The following ANO10 variants were observed in gnomAD, a reference collection of about 807,000 sequenced individuals.
ANO10 encodes the protein anoctamin-10.
A neutral mutation model predicts 74.7 loss-of-function variants in ANO10; 77 were observed. The observed-to-expected ratio is 1.03, with a 90% CI of 0.86 to 1.25. ANO10 has a LOEUF of 1.25. Ranked by LOEUF, ANO10 falls within the 50% of genes most tolerant of loss-of-function variation. ANO10 has a pLI of 0.00. For missense variants in ANO10, 721 were observed against 778.1 expected, an observed-to-expected ratio of 0.93 and a Z score of 0.87; for synonymous variants, 279 against 284.9, an observed-to-expected ratio of 0.98 and a Z score of 0.21.
chr3:43,567,166 A>G (rs921142690), intron 7 of ANO10, among the ~76,000 whole-genome samples: 2 of 152,258 alleles, frequency 1.3e-5, no homozygotes, highest in African/African-American at 4.8e-5. Context: ...AAAGCCTCCA[A>G]GAAATATGGG....
At chr3:43,516,710 G>A (rs2077727657) in intron 11 of ANO10, among the ~76,000 whole-genome samples, 1 of 152,172 alleles carries the variant, frequency 6.6e-6, no homozygotes, top group South Asian at 2.1e-4. Context: ...CCTTAGAATG[G>A]TGGGGATTGA....
chr3:43,464,864 A>G (rs2075547577), intron 11 of ANO10, among the ~76,000 whole-genome samples: 1 of 152,222 alleles, frequency 6.6e-6, no homozygotes, highest in Non-Finnish European at 1.5e-5. Context: ...CTCAATCTTA[A>G]AAAGATACTG....
chr3:43,552,497 C>T (rs2079512204), intron 10 of ANO10, among the ~76,000 whole-genome samples: 1 of 151,838 alleles, frequency 6.6e-6, no homozygotes, highest in Admixed American at 6.6e-5. Context: ...GAAGAAAAGT[C>T]TATTTTGTTT....
chr3:43,436,319 T>C (rs931194358), intron 11 of ANO10, among the ~76,000 whole-genome samples: 1 of 152,162 alleles, frequency 6.6e-6, no homozygotes, highest in African/African-American at 2.4e-5. Context: ...CTATTCATAT[T>C]TGAAGAAAAA....
intron 12 of ANO10, among the ~76,000 whole-genome samples, chr3:43,417,959 A>G (rs2092766356): frequency 6.6e-6 from 1 of 152,170 alleles, no homozygotes; most frequent in South Asian, 2.1e-4. Context: ...CTTGGATGTT[A>G]AACTGGAGGT....
chr3:43,642,215 GTTTTA>G (rs1293091304), intron 1 of ANO10, among the ~76,000 whole-genome samples: 4 of 152,126 alleles, frequency 2.6e-5, no homozygotes, highest in East Asian at 1.9e-4. Context: ...ACCTTACAGT[GTTTTA>G]TTTTAAGTTC....
At chr3:43,685,732 T>C (rs2084266501) in intron 1 of ANO10, among the ~76,000 whole-genome samples, 1 of 152,256 alleles carries the variant, frequency 6.6e-6, no homozygotes. Context: ...AATTGATCAC[T>C]GATGAGTCTG....
chr3:43,440,118 C>T (rs1193778223), intron 11 of ANO10, among the ~76,000 whole-genome samples: 1 of 151,722 alleles, frequency 6.6e-6, no homozygotes, highest in African/African-American at 2.4e-5. Context: ...AGGAAGGCAG[C>T]AAGACAGAAA....
At chr3:43,660,157 G>C (rs1419606780) in intron 1 of ANO10, among the ~76,000 whole-genome samples, 1 of 152,150 alleles carries the variant, frequency 6.6e-6, no homozygotes, top group Admixed American at 6.5e-5. Context: ...GAGCAGAAAG[G>C]CTGAAAATTC....
At chr3:43,372,063 T>C (rs2125675214) in intron 12 of ANO10, among the ~76,000 whole-genome samples, 1 of 152,266 alleles carries the variant, frequency 6.6e-6, no homozygotes, top group South Asian at 2.1e-4. Context: ...CCTCTGATTG[T>C]TGCTTCATTT....
At chr3:43,537,877 T>A (rs13072613) in intron 11 of ANO10, among the ~76,000 whole-genome samples, 33,779 of 152,042 alleles carry the variant, frequency 0.22, 4,282 homozygotes, top group Middle Eastern at 0.36. Context: ...CACCGTCACA[T>A]AGTTTCTAAT....
intron 1 of ANO10, among the ~76,000 whole-genome samples, chr3:43,615,241 G>A (rs1257900064): frequency 6.6e-6 from 1 of 152,050 alleles, no homozygotes; most frequent in Non-Finnish European, 1.5e-5. Context: ...GAAAACTTAG[G>A]TGAAAGAGAT....
At chr3:43,482,986 C>T (rs1308668153) in intron 11 of ANO10, among the ~76,000 whole-genome samples, 1 of 152,124 alleles carries the variant, frequency 6.6e-6, no homozygotes, top group Non-Finnish European at 1.5e-5. Context: ...TGAAAAAGGC[C>T]ATGGATCGTA....
At chr3:43,552,753 T>G (rs1162333732) in intron 10 of ANO10, among the ~76,000 whole-genome samples, 1 of 149,148 alleles carries the variant, frequency 6.7e-6, no homozygotes, top group African/African-American at 2.5e-5. Flanking sequence ...TATGTATGTA[T>G]GTATGTATGT....
At chr3:43,607,409 C>T (rs189650252) in intron 1 of ANO10, among the ~76,000 whole-genome samples, 3 of 151,662 alleles carry the variant, frequency 2.0e-5, no homozygotes, top group Admixed American at 2.0e-4. Context: ...GAAAGCTAAG[C>T]ACTTGCAACC....
chr3:43,636,782 T>C (rs2083615117), intron 1 of ANO10, among the ~76,000 whole-genome samples: 1 of 152,254 alleles, frequency 6.6e-6, no homozygotes, highest in South Asian at 2.1e-4. Context: ...TTAAATTTGT[T>C]GTAAACCTGA....
chr3:43,373,573 G>A (rs1268454874), intron 12 of ANO10, among the ~76,000 whole-genome samples: 1 of 152,212 alleles, frequency 6.6e-6, no homozygotes, highest in Non-Finnish European at 1.5e-5. Context: ...GGGTTTCAGA[G>A]CAAAATTTCC....
chr3:43,565,607 C>A, intron 8 of ANO10, 46 bp downstream of exon 8: 6 of 1,426,796 alleles, frequency 4.2e-6, no homozygotes, highest in South Asian at 2.6e-5. Flanking sequence ...TAGAAAACCA[C>A]CTCTATGACC....
intron 11 of ANO10, among the ~76,000 whole-genome samples, chr3:43,508,171 A>G (rs2077367215): frequency 6.6e-6 from 1 of 152,174 alleles, no homozygotes; most frequent in East Asian, 1.9e-4. Context: ...ATTTTTCAAA[A>G]AAGACCAAAC....
Sources: gnomAD v4.1 joint callset for allele counts (sites outside exome capture counted in the v4.1 genomes callset) on GRCh38, gnomAD v4.1.1 for gene constraint, MANE v1.5 for transcripts, NCBI Gene and HGNC (gene_info 2026-07-23, HGNC 2026-07-21) for gene names.